Variants in PDS5B observed in about 807,000 individuals in gnomAD.
The protein encoded by PDS5B is sister chromatid cohesion protein PDS5 homolog B.
Under a neutral mutation model 184.1 loss-of-function variants are expected in PDS5B, and 51 were observed. The observed-to-expected ratio is 0.28, with a 90% CI of 0.22 to 0.35. The LOEUF is 0.35. Among genes scored for constraint, PDS5B ranks in the 10% least tolerant of loss-of-function variants. The probability of loss-of-function intolerance (pLI) is 1.00; values close to 1 mark genes in which losing one functional copy is unlikely to be tolerated. For synonymous variants in PDS5B, 566 were observed against 569.2 expected, an observed-to-expected ratio of 0.99 and a Z score of 0.08; for missense variants, 1,180 against 1,723.3, an observed-to-expected ratio of 0.68 and a Z score of 5.58.
intron 19 of PDS5B, among the ~76,000 whole-genome samples, chr13:32,726,973 T>A (rs1952922214): frequency 6.6e-6 from 1 of 151,898 alleles, no homozygotes; most frequent in Non-Finnish European, 1.5e-5. Flanking sequence ...TTTCTGTTGT[T>A]GTTTTTTGTT....
At chr13:32,589,502 G>T (rs1031587456) in intron 1 of PDS5B, among the ~76,000 whole-genome samples, 1 of 151,980 alleles carries the variant, frequency 6.6e-6, no homozygotes, top group African/African-American at 2.4e-5. Context: ...TCCGGGAGCC[G>T]TCTTTCTTTA....
At chr13:32,653,249 G>A (rs1361849670) in intron 3 of PDS5B, among the ~76,000 whole-genome samples, 1 of 151,924 alleles carries the variant, frequency 6.6e-6, no homozygotes, top group African/African-American at 2.4e-5. Flanking sequence ...AGATTGCGCC[G>A]CTGCACTCCA....
chr13:32,730,551 C>T (rs539842094), intron 19 of PDS5B, among the ~76,000 whole-genome samples: 9 of 152,254 alleles, frequency 5.9e-5, no homozygotes, highest in Non-Finnish European at 7.4e-5. Context: ...TGGCCATTTT[C>T]ACGACATTGG....
chr13:32,682,692 A>G (rs1951279050), intron 10 of PDS5B, among the ~76,000 whole-genome samples: 1 of 152,238 alleles, frequency 6.6e-6, no homozygotes, highest in Admixed American at 6.5e-5. Flanking sequence ...GACAGTGAAA[A>G]CAGTCTCCAT....
intron 1 of PDS5B, among the ~76,000 whole-genome samples, chr13:32,593,463 C>G (rs549419993): frequency 2.6e-5 from 4 of 152,324 alleles, no homozygotes; most frequent in African/African-American, 7.2e-5. Flanking sequence ...GTCTCAGCCT[C>G]TGGAGTAGCT....
chr13:32,635,193 T>G (rs1401537316), intron 1 of PDS5B, among the ~76,000 whole-genome samples: 5 of 56,256 alleles, frequency 8.9e-5, no homozygotes, highest in Admixed American at 2.2e-4. Flanking sequence ...TTTTTTTTTT[T>G]TTTTTTTTTT....
intron 3 of PDS5B, among the ~76,000 whole-genome samples, chr13:32,657,288 G>A (rs1022504050): frequency 2.0e-5 from 3 of 152,134 alleles, no homozygotes; most frequent in Non-Finnish European, 2.9e-5. Context: ...AGGATAGTTA[G>A]GTTTTCTTGT....
intron 25 of PDS5B, 41 bp from the exon 26 acceptor site, chr13:32,755,801 C>CT: frequency 1.0e-6 from 1 of 999,022 alleles, no homozygotes; most frequent in South Asian, 1.7e-5. Context: ...TTTGCTTTTT[C>CT]TTTTGTTTTT....
intron 30 of PDS5B, among the ~76,000 whole-genome samples, chr13:32,761,005 A>G (rs1954376138): frequency 6.6e-6 from 1 of 152,204 alleles, no homozygotes; most frequent in South Asian, 2.1e-4. Context: ...AAACTGTTGT[A>G]TTATGGTGTA....
intron 8 of PDS5B, among the ~76,000 whole-genome samples, chr13:32,675,368 TG>T (rs1385794630): frequency 6.6e-6 from 1 of 152,316 alleles, no homozygotes; most frequent in East Asian, 1.9e-4. Flanking sequence ...AAATCTGGTC[TG>T]TGTAGATGAA....
chr13:32,620,357 T>C (rs1156400558), intron 1 of PDS5B, among the ~76,000 whole-genome samples: 1 of 152,136 alleles, frequency 6.6e-6, no homozygotes, highest in African/African-American at 2.4e-5. Context: ...GGTCCTTTGG[T>C]AACTGTTAAA....
At chr13:32,711,014 G>T (rs537805033) in intron 19 of PDS5B, among the ~76,000 whole-genome samples, 2 of 150,070 alleles carry the variant, frequency 1.3e-5, no homozygotes, top group South Asian at 4.2e-4. Context: ...TTTTTGAGAT[G>T]GAGCCTCACT....
intron 19 of PDS5B, among the ~76,000 whole-genome samples, chr13:32,729,570 A>G (rs577215999): frequency 4.2e-4 from 64 of 152,200 alleles, no homozygotes; most frequent in Non-Finnish European, 8.2e-4. Context: ...CCAACAGTGT[A>G]AAAACGTTCC....
intron 1 of PDS5B, among the ~76,000 whole-genome samples, chr13:32,625,085 T>C (rs1016802042): frequency 6.6e-5 from 10 of 152,202 alleles, no homozygotes; most frequent in Non-Finnish European, 1.3e-4. Flanking sequence ...TGTTCAGTTT[T>C]TAAGCTTTTC....
At chr13:32,596,293 G>T (rs1215886420) in intron 1 of PDS5B, among the ~76,000 whole-genome samples, 2 of 152,196 alleles carry the variant, frequency 1.3e-5, no homozygotes, top group Admixed American at 6.5e-5. Flanking sequence ...CATACAGTGT[G>T]TGCTCTTGTG....
chr13:32,761,358 C>T (rs1340556830), intron 30 of PDS5B, among the ~76,000 whole-genome samples: 1 of 151,276 alleles, frequency 6.6e-6, no homozygotes. Flanking sequence ...TTTTTAAATT[C>T]AACTTTTATT....
At chr13:32,733,750 G>A (rs1953206714) in intron 20 of PDS5B, among the ~76,000 whole-genome samples, 1 of 152,036 alleles carries the variant, frequency 6.6e-6, no homozygotes, top group South Asian at 2.1e-4. Flanking sequence ...AGAATATACG[G>A]TGAAAAGTTC....
At chr13:32,671,574 A>G (rs1000472470) in intron 7 of PDS5B, among the ~76,000 whole-genome samples, 15 of 152,322 alleles carry the variant, frequency 9.8e-5, no homozygotes, top group African/African-American at 3.6e-4. Context: ...AAATTGATAA[A>G]TAGGAAGGAC....
In PDS5B at chr13:32,759,668, A is replaced by G; in HGVS notation, c.3350A>G (p.Lys1117Arg). The change falls in exon 29 of 35, where the codon AAA (lysine) becomes AGA (arginine). Residue 1117 changes from lysine to arginine, a missense_variant. Coordinates refer to ENST00000315596, the MANE Select transcript of PDS5B (RefSeq NM_015032.4). The part of the protein sequence containing the change: ...NTKNYLPPEM[K>R]SFFTPGKPKT... The stretch of plus-strand genomic sequence containing the variant: ...AAAAATTATCTGCCTCCTGAAATGA[A>G]ATCATTTTTCACTCCTGGAAAAGTA... 6.4e-7 allele frequency: 1 copy of G among 1,566,930 alleles called. No homozygotes were observed. Among genetic ancestry groups the G allele is most frequent in the Non-Finnish European group, 8.7e-7 (1 of 1,146,142 alleles).
Sources: gnomAD v4.1 joint callset for allele counts (sites outside exome capture counted in the v4.1 genomes callset) on GRCh38, gnomAD v4.1.1 for gene constraint, MANE v1.5 for transcripts, NCBI Gene and HGNC (gene_info 2026-07-23, HGNC 2026-07-21) for gene names.